The following SLC7A6 variants were observed in gnomAD, a reference collection of about 807,000 sequenced individuals.
SLC7A6 encodes solute carrier family 7 member 6, also known as Y+L amino acid transporter 2.
In SLC7A6, 29 loss-of-function variants were observed where a neutral mutation model predicts 46.6. That is an observed-to-expected ratio of 0.62 (90% CI 0.46 to 0.85). The LOEUF (loss-of-function observed/expected upper bound fraction) is 0.85, where lower values mean the gene tolerates loss of function less well. Among genes scored for constraint, SLC7A6 ranks in the 40% least tolerant of loss-of-function variants. The pLI, the probability that SLC7A6 is intolerant of heterozygous loss-of-function variation, is 0.00. For synonymous variants in SLC7A6, 276 were observed against 257.3 expected (o/e 1.07, Z -0.70); for missense variants, 527 against 647.6 (o/e 0.81, Z 2.02).
In SLC7A6 at chr16:68,297,361, C is replaced by A; in HGVS notation, c.*33C>A. 4 of 1,571,934 alleles carry A rather than the reference C, an allele frequency of 2.5e-6. No homozygotes were observed. Among genetic ancestry groups the A allele is most frequent in the South Asian group, 2.2e-5 (2 of 89,686 alleles). On this transcript the variant is annotated 3_prime_UTR_variant, in exon 11 of 11. Coordinates refer to ENST00000219343, the MANE Select transcript of SLC7A6 (RefSeq NM_003983.6). ...AGGTGGCTTTCTGAGGCCTGGAAGG[C>A]AGGCCAACCAGCAAAATCCTGATAA...
In SLC7A6 at chr16:68,296,688, T is replaced by C; in HGVS notation, c.1331T>C (p.Leu444Pro). 4 of 1,614,196 alleles carry C rather than the reference T, an allele frequency of 2.5e-6. No homozygotes were observed. The highest frequency in any genetic ancestry group is 3.4e-6 in the Non-Finnish European group (4 of 1,180,030). Residue 444 changes from leucine to proline, a missense_variant, in exon 10 of 11, where the codon CTC becomes CCC. Leu to Pro is a moderately conservative substitution (Grantham distance 98). Transcript: ENST00000219343. ...TCCGTGTTTCTGGTGATAGTGCCCC[T>C]CTTCACTGACACCATTAATTCCCTC... is the stretch of plus-strand genomic sequence containing the variant. Reference protein sequence around the residue: ...ICSVFLVIVPLFTDTINSLIG... With the variant: ...ICSVFLVIVPPFTDTINSLIG...
chr16:68,282,381 C>T (rs1389711170), intron 3 of SLC7A6, among the ~76,000 whole-genome samples: 1 of 151,930 alleles, frequency 6.6e-6, no homozygotes, highest in Non-Finnish European at 1.5e-5. Flanking sequence ...CCAGCCTGGG[C>T]AACATAGCAA....
In SLC7A6 at chr16:68,297,673, T is replaced by C; in HGVS notation, c.*345T>C. 5.4e-6 allele frequency: 1 copy of C among 185,386 alleles called. No individual in the cohort carries two copies. Among genetic ancestry groups the C allele is most frequent in the East Asian group, 1.4e-4 (1 of 7,020 alleles). The allele number at this position is 185,386 out of a possible 1,614,324, so 11.5% of individuals were successfully genotyped here. ...GTTGATAGGGCTGGTGGCTTCTGAA[T>C]TTGGTATTTGAACTAGGAGTCCCTA... On this transcript the variant is annotated 3_prime_UTR_variant, in exon 11 of 11. Coordinates refer to ENST00000219343, the MANE Select transcript of SLC7A6 (RefSeq NM_003983.6).
intron 2 of SLC7A6, among the ~76,000 whole-genome samples, chr16:68,267,038 G>C (rs1035201441): frequency 6.6e-6 from 1 of 151,658 alleles, no homozygotes; most frequent in African/African-American, 2.4e-5. Flanking sequence ...GGATTCAAGC[G>C]ATTCTCCTGC....
At chr16:68,269,800 T>C (rs867707927) in intron 2 of SLC7A6, among the ~76,000 whole-genome samples, 18 of 151,750 alleles carry the variant, frequency 1.2e-4, no homozygotes, top group African/African-American at 3.9e-4. Context: ...GTCATCTCAC[T>C]CTGTCACCAA....
intron 8 of SLC7A6, among the ~76,000 whole-genome samples, chr16:68,296,078 TGAG>T (rs992603984): frequency 3.9e-5 from 6 of 152,094 alleles, no homozygotes; most frequent in African/African-American, 1.4e-4. Flanking sequence ...TGCACTGAAG[TGAG>T]GAGGGCCTCA....
At chr16:68,278,888 C>T (rs532302220) in intron 3 of SLC7A6, among the ~76,000 whole-genome samples, 553 of 151,432 alleles carry the variant, frequency 3.7e-3, no homozygotes, top group Middle Eastern at 0.017. Context: ...AAGGGGCGGC[C>T]GGGCAGAGGC....
intron 3 of SLC7A6, among the ~76,000 whole-genome samples, chr16:68,275,908 A>C (rs1018467386): frequency 6.6e-6 from 1 of 152,036 alleles, no homozygotes; most frequent in Non-Finnish European, 1.5e-5. Flanking sequence ...CCAGAAAAAA[A>C]CCCCACCAGT....
intron 2 of SLC7A6, among the ~76,000 whole-genome samples, chr16:68,271,734 T>C (rs1173253513): frequency 6.6e-6 from 1 of 152,178 alleles, no homozygotes; most frequent in Non-Finnish European, 1.5e-5. Context: ...TGCTCTTGGG[T>C]GTTTAGCAAA....
intron 3 of SLC7A6, among the ~76,000 whole-genome samples, chr16:68,278,923 G>C (rs2042773987): frequency 6.6e-6 from 1 of 152,126 alleles, no homozygotes; most frequent in African/African-American, 2.4e-5. Flanking sequence ...GGACAGGGCG[G>C]CTGCCGGGCG....
chr16:68,297,526 C>T lies in SLC7A6; in HGVS notation c.*198C>T. On this transcript the variant is annotated 3_prime_UTR_variant, in exon 11 of 11. Coordinates refer to ENST00000219343, the MANE Select transcript of SLC7A6 (RefSeq NM_003983.6). ...TGGGCCAACCTCAAGGTGGGGGCTT[C>T]AGAGGGTGGGGGGAAGATTGGGGAA... 2.8e-6 allele frequency: 1 copy of T among 351,878 alleles called. No homozygotes were observed. The highest frequency in any genetic ancestry group is 5.0e-6 in the Non-Finnish European group (1 of 201,038). 21.8% of individuals were successfully genotyped at this position (351,878 alleles called of 1,614,324 possible).
At chr16:68,285,036 CCTGT>C (rs138608242) in intron 3 of SLC7A6, among the ~76,000 whole-genome samples, 4,947 of 151,902 alleles carry the variant, frequency 0.033, 248 homozygotes, top group African/African-American at 0.11. Flanking sequence ...GCCCCGGCCC[CCTGT>C]CTGTCTTTTT....
chr16:68,285,053 C>CT (rs2042904017), intron 3 of SLC7A6, among the ~76,000 whole-genome samples: 3 of 151,992 alleles, frequency 2.0e-5, no homozygotes, highest in Admixed American at 6.6e-5. Flanking sequence ...GTCTTTTTGT[C>CT]TAAGCTGCAT....
intron 3 of SLC7A6, among the ~76,000 whole-genome samples, chr16:68,286,929 G>A (rs1164399921): frequency 6.6e-6 from 1 of 151,862 alleles, no homozygotes; most frequent in African/African-American, 2.4e-5. Context: ...TTTTGGAGTC[G>A]TGAGAATTGA....
Position 68,287,876 on chromosome 16 carries a change from G to A in SLC7A6, c.649+5G>A. 2 of 1,613,354 alleles carry A rather than the reference G, an allele frequency of 1.2e-6. No homozygotes were observed. The highest frequency in any genetic ancestry group is 1.7e-6 in the Non-Finnish European group (2 of 1,179,476). On this transcript the variant is annotated splice_donor_5th_base_variant and intron_variant, in intron 4 of 10. Transcript: ENST00000219343. ...GCCTTGTTAAACTGTGCCAGGGTAA[G>A]TGGTGGGAAGGGGGGTACCACCAAC...
In SLC7A6 at chr16:68,300,205, T is replaced by C. The variant is rs999489820; in HGVS notation, c.*2877T>C. The C allele has an allele frequency of 6.6e-5, 10 of 152,258 alleles. No individual in the cohort carries two copies. Among genetic ancestry groups the C allele is most frequent in the African/African-American group, 2.4e-4 (10 of 41,464 alleles). 9.4% of individuals were successfully genotyped at this position (152,258 alleles called of 1,614,324 possible). A position where few individuals can be genotyped will look rare whatever the true frequency, so the allele number is the denominator to read the frequency against. ...TAAAATTAAAAGCTCAGTTTCTCAG[T>C]TGCGCTAATCACATTTCAAGTGCTC... On this transcript the variant is annotated 3_prime_UTR_variant, in exon 11 of 11. Coordinates refer to ENST00000219343, the MANE Select transcript of SLC7A6 (RefSeq NM_003983.6).
chr16:68,300,595 GT>G lies in SLC7A6; in HGVS notation c.*3271del, dbSNP rs1350671346. On this transcript the variant is annotated 3_prime_UTR_variant, in exon 11 of 11. Coordinates refer to ENST00000219343, the MANE Select transcript of SLC7A6 (RefSeq NM_003983.6). ...TGTTTTAGATATTCAGATTTAAAAG[GT>G]TTTCAAAGAATTACTTTCTTCCATG... The G allele has an allele frequency of 1.0e-6, 1 of 981,514 alleles. No homozygotes were observed. Among genetic ancestry groups the G allele is most frequent in the Non-Finnish European group, 1.2e-6 (1 of 826,390 alleles). The allele number at this position is 981,514 out of a possible 1,614,324, so 60.8% of individuals were successfully genotyped here. A position where few individuals can be genotyped will look rare whatever the true frequency, so the allele number is the denominator to read the frequency against.
chr16:68,284,857 G>GTTTTTTTTT (rs1285237242), intron 3 of SLC7A6, among the ~76,000 whole-genome samples: 2 of 30,896 alleles, frequency 6.5e-5, no homozygotes, highest in Non-Finnish European at 1.1e-4. Context: ...GTATTTTCTC[G>GTTTTTTTTT]TCTTTTTTTT....
At position 68,293,983 on chromosome 16, in the gene SLC7A6, C is replaced by T. The variant is rs536060322; in HGVS notation, c.1023-722C>T. On this transcript the variant is annotated intron_variant, in intron 7 of 10. Coordinates refer to ENST00000219343, the MANE Select transcript of SLC7A6 (RefSeq NM_003983.6). The stretch of plus-strand genomic sequence containing the variant: ...TGCGATCTCGGCTCACTGCAACCTC[C>T]GCCTCCTGGATTCAAGTGATTCTCC... 8.5e-5 allele frequency among the ~76,000 whole-genome samples: 13 copies of T among 152,166 alleles called. No individual in the cohort carries two copies. In the South Asian group the frequency reaches 2.1e-3, roughly 24 times the overall value.
Sources: gnomAD v4.1 joint callset for allele counts (sites outside exome capture counted in the v4.1 genomes callset) on GRCh38, gnomAD v4.1.1 for gene constraint, MANE v1.5 for transcripts, NCBI Gene and HGNC (gene_info 2026-07-23, HGNC 2026-07-21) for gene names.